Variants in TYMS observed in about 807,000 individuals in gnomAD.
TYMS encodes the protein thymidylate synthetase.
A neutral mutation model predicts 39.3 loss-of-function variants in TYMS; 21 were observed. The ratio of observed to expected loss-of-function variants is 0.54; its 90% CI spans 0.38 to 0.77. The LOEUF is 0.77. Ranked by LOEUF, TYMS falls within the 30% of genes least tolerant of loss-of-function variation. The pLI is 0.00. For synonymous variants in TYMS, 171 were observed against 162.2 expected, an observed-to-expected ratio of 1.05 and a Z score of -0.41; for missense variants, 273 against 406.7, an observed-to-expected ratio of 0.67 and a Z score of 2.83.
At chr18:670,045 A>T (rs973604611) in intron 4 of TYMS, among the ~76,000 whole-genome samples, 95 of 138,568 alleles carry the variant, frequency 6.9e-4, no homozygotes, top group Non-Finnish European at 5.7e-4. Flanking sequence ...ATAGAGACTT[A>T]TTTTTTTTTT....
chr18:670,744 G>A lies in TYMS; in HGVS notation c.609G>A (p.Val203=). ...PPCHALCQFY[V]VNSELSCQLY... is the part of the protein sequence containing the mutation. ...GCCATGCCCTCTGCCAGTTCTATGT[G>A]GTGAACAGTGAGCTGTCCTGCCAGC... The change falls in exon 5 of 7, where the codon GTG becomes GTA. Residue 203 remains valine, a synonymous_variant. Coordinates refer to ENST00000323274, the MANE Select transcript of TYMS (RefSeq NM_001071.4). 2 of 1,614,120 alleles carry A rather than the reference G, an allele frequency of 1.2e-6. No homozygotes were observed. Among genetic ancestry groups the A allele is most frequent in the Non-Finnish European group, 1.7e-6 (2 of 1,180,020 alleles).
chr18:668,374 T>C (rs909882840), intron 3 of TYMS, among the ~76,000 whole-genome samples: 3 of 152,176 alleles, frequency 2.0e-5, no homozygotes, highest in African/African-American at 7.2e-5. Context: ...AGCTCTGCAC[T>C]TCAGTTAACA....
At chr18:670,549 A>G in intron 4 of TYMS, 143 bp from the exon 5 acceptor site, 6 of 818,384 alleles carry the variant, frequency 7.3e-6, no homozygotes, top group Non-Finnish European at 1.2e-5. Context: ...AGAGGCTGTT[A>G]TGGACATCAC....
intron 3 of TYMS, among the ~76,000 whole-genome samples, chr18:666,909 TGATGGTGATGGA>T (rs1204715550): frequency 0.031 from 1,270 of 41,316 alleles, 118 homozygotes; most frequent in Admixed American, 0.082. Flanking sequence ...ATGGAGATGG[TGATGGTGATGGA>T]GATGGTGATG....
chr18:666,425 C>G (rs1469186815), intron 3 of TYMS, among the ~76,000 whole-genome samples: 1 of 152,180 alleles, frequency 6.6e-6, no homozygotes, highest in Non-Finnish European at 1.5e-5. Context: ...AATGAAACAT[C>G]TCACTCCTGG....
At position 669,164 on chromosome 18, in the gene TYMS, A is replaced by G. The variant is rs760265884; in HGVS notation, c.547A>G (p.Asn183Asp). ...CAGAAGAATCATCATGTGCGCTTGG[A>G]ATCCAAGAGGTTGAAAGAACCCCGT... The part of the protein sequence containing the change: ...DDRRIIMCAW[N>D]PRDLPLMALP... Residue 183 changes from asparagine (N) to aspartate (D), a missense_variant, in exon 4 of 7, where the codon AAT (asparagine) becomes GAT (aspartate). Around this residue, in one of 3 missense-constraint regions of TYMS, gnomAD observed 228 missense variants for 326.1 expected, o/e 0.70. Coordinates refer to ENST00000323274, the MANE Select transcript of TYMS (RefSeq NM_001071.4). 2 of 1,614,044 alleles carry G rather than the reference A, an allele frequency of 1.2e-6. No individual in the cohort carries two copies. The highest frequency in any genetic ancestry group is 1.7e-6 in the Non-Finnish European group (2 of 1,179,940).
At position 662,289 on chromosome 18, in the gene TYMS, T is replaced by C; in HGVS notation, c.423T>C (p.His141=). 4.3e-6 allele frequency: 7 copies of C among 1,613,246 alleles called. No individual in the cohort carries two copies. The highest frequency in any genetic ancestry group is 5.9e-6 in the Non-Finnish European group (7 of 1,179,778). Residue 141 remains histidine (H), a synonymous_variant, in exon 3 of 7, where the codon CAT becomes CAC. Coordinates refer to ENST00000323274, the MANE Select transcript of TYMS (RefSeq NM_001071.4). The part of the protein sequence containing the change: ...LGPVYGFQWR[H]FGAEYRDMES... ...CAGTTTATGGCTTCCAGTGGAGGCA[T>C]TTTGGGGCAGAATACAGAGATATGG... is the stretch of plus-strand genomic sequence containing the variant.
At position 667,059 on chromosome 18, in the gene TYMS, AGATGGTGATGGTGATGGAGATGGT is replaced by A. The variant is rs2074849822; in HGVS notation, c.455-2001_455-1978del. 7.5e-4 allele frequency among the ~76,000 whole-genome samples: 14 copies of A among 18,556 alleles called. 2 individuals are homozygous for A. Among genetic ancestry groups the A allele is most frequent in the African/African-American group, 5.5e-3 (14 of 2,546 alleles). The allele number at this position is 18,556 out of a possible 152,430, so 12.2% of individuals were successfully genotyped here. On this transcript the variant is annotated intron_variant, in intron 3 of 6. Transcript: ENST00000323274. ...GAGATGGTGATGGTGATGGAGATGG[AGATGGTGATGGTGATGGAGATGGT>A]GATGGTGATGGAGATGGAGATGGAG...
Position 666,924 on chromosome 18 carries a change from TGGTGATGGTGATGGA to T in TYMS, c.455-2146_455-2132del, listed in dbSNP as rs2074832453. Among the ~76,000 whole-genome samples the T allele has an allele frequency of 1.8e-4, 12 of 65,230 alleles. 4 individuals are homozygous for T. In the East Asian group the frequency reaches 8.8e-3, roughly 48 times the overall value. The allele number at this position is 65,230 out of a possible 152,430, so 42.8% of individuals were successfully genotyped here. A position where few individuals can be genotyped will look rare whatever the true frequency, so the allele number is the denominator to read the frequency against. On this transcript the variant is annotated intron_variant, in intron 3 of 6. Transcript: ENST00000323274. ...ATGGAGATGGTGATGGTGATGGAGA[TGGTGATGGTGATGGA>T]GATGGTGATGGTGATGGAGATGGAG...
chr18:662,659 C>A (rs1230596991), intron 3 of TYMS, among the ~76,000 whole-genome samples: 1 of 151,832 alleles, frequency 6.6e-6, no homozygotes, highest in Non-Finnish European at 1.5e-5. Context: ...TGCTATCCCT[C>A]CCCCCTCCTC....
chr18:658,204 C>T lies in TYMS; in HGVS notation c.205+257C>T. 10 of 1,528,572 alleles carry T rather than the reference C, an allele frequency of 6.5e-6. No homozygotes were observed. The highest frequency in any genetic ancestry group is 7.1e-6 in the Non-Finnish European group (8 of 1,132,734). 94.7% of individuals were successfully genotyped at this position (1,528,572 alleles called of 1,614,324 possible). A position where few individuals can be genotyped will look rare whatever the true frequency, so the allele number is the denominator to read the frequency against. On this transcript the variant is annotated intron_variant, in intron 1 of 6. Transcript: ENST00000323274. This position sits in a 1 kb window ranked among gnomAD's most constrained non-coding sequence, Gnocchi z 4.5. ...GTCCCAGCGGCTCCGCGGCCGGGCT[C>T]GCAGTCGCCCCAGTGATGCCGTGGC...
rs2074716507 is a variant in TYMS, at chr18:658,374, T to C, written c.205+427T>C. 7.8e-7 allele frequency: 1 copy of C among 1,275,690 alleles called. No individual in the cohort carries two copies. 79.0% of individuals were successfully genotyped at this position (1,275,690 alleles called of 1,614,324 possible). A position where few individuals can be genotyped will look rare whatever the true frequency, so the allele number is the denominator to read the frequency against. ...CTGTGGACCATTCCGCTTCGCAGCG[T>C]TTTCAAAAACTGGAGCGAAAGTGAT... On this transcript the variant is annotated intron_variant, in intron 1 of 6. Transcript: ENST00000323274. This position sits in a 1 kb window ranked among gnomAD's most constrained non-coding sequence, Gnocchi z 4.5.
rs74923550 is a variant in TYMS, at chr18:667,559, T to C, written c.455-1513T>C. ...GTGATGGTGATGGTGATGGAGATGGTGATGGTGATGGAGATGGTGATGGTG... is the reference window on the plus strand; with the variant it reads ...GTGATGGTGATGGTGATGGAGATGGCGATGGTGATGGAGATGGTGATGGTG... On this transcript the variant is annotated intron_variant, in intron 3 of 6. Coordinates refer to ENST00000323274, the MANE Select transcript of TYMS (RefSeq NM_001071.4). Among the ~76,000 whole-genome samples the C allele has an allele frequency of 1.4e-4, 9 of 66,346 alleles. 3 individuals carry two copies. The highest frequency in any genetic ancestry group is 9.8e-4 in the African/African-American group (9 of 9,218). 43.5% of individuals were successfully genotyped at this position (66,346 alleles called of 152,430 possible).
intron 4 of TYMS, chr18:670,401 C>G (rs923759966): frequency 9.5e-6 from 3 of 314,348 alleles, no homozygotes; most frequent in Admixed American, 4.6e-5. Context: ...ATTATTCCTG[C>G]TGTATTTGTA....
At chr18:665,137 C>T (rs199887005) in intron 3 of TYMS, among the ~76,000 whole-genome samples, 6,980 of 146,656 alleles carry the variant, frequency 0.048, 393 homozygotes, top group East Asian at 0.24. Context: ...GGCTGTGAAT[C>T]CATCTGGTCC....
At chr18:666,366 G>A (rs916885655) in intron 3 of TYMS, among the ~76,000 whole-genome samples, 11 of 152,172 alleles carry the variant, frequency 7.2e-5, no homozygotes, top group African/African-American at 2.4e-4. Flanking sequence ...GCTGTGAAGC[G>A]CAGTGCCAGG....
chr18:659,507 G>A, intron 1 of TYMS, 134 bp from the exon 2 acceptor site: 1 of 728,070 alleles, frequency 1.4e-6, no homozygotes, highest in Non-Finnish European at 2.4e-6. Flanking sequence ...GTGATCTCTG[G>A]CCCACTTTGC....
chr18:657,883 G>A lies in TYMS; in HGVS notation c.141G>A (p.Lys47=). 6.6e-7 allele frequency: 1 copy of A among 1,512,338 alleles called. No homozygotes were observed. The highest frequency in any genetic ancestry group is 8.8e-7 in the Non-Finnish European group (1 of 1,136,524). The allele number at this position is 1,512,338 out of a possible 1,614,324, so 93.7% of individuals were successfully genotyped here. ...IQHILRCGVR[K]DDRTGTGTLS... is the part of the protein sequence containing the mutation. ...ACATCCTCCGCTGCGGCGTCAGGAAGGACGACCGCACGGGCACCGGCACCC... is the reference window on the plus strand; with the variant it reads ...ACATCCTCCGCTGCGGCGTCAGGAAAGACGACCGCACGGGCACCGGCACCC... The change falls in exon 1 of 7, where the codon AAG becomes AAA. Residue 47 remains lysine (K), a synonymous_variant. Coordinates refer to ENST00000323274, the MANE Select transcript of TYMS (RefSeq NM_001071.4).
rs942555230 is a variant in TYMS, at chr18:658,858, C to T, written c.206-783C>T. Reference sequence around the variant, plus strand: ...AAACCCATTCGTGGTGAAGCAGATTCACTGTAGCTAGCGGAAAAGCCCTCC... The same window carrying T: ...AAACCCATTCGTGGTGAAGCAGATTTACTGTAGCTAGCGGAAAAGCCCTCC... On this transcript the variant is annotated intron_variant, in intron 1 of 6. Coordinates refer to ENST00000323274, the MANE Select transcript of TYMS (RefSeq NM_001071.4). The surrounding 1 kb of genome is among the most constrained non-coding windows in gnomAD (Gnocchi z 4.5). The T allele has an allele frequency of 6.2e-6, 1 of 161,284 alleles. No homozygotes were observed. Among genetic ancestry groups the T allele is most frequent in the African/African-American group, 2.4e-5 (1 of 41,498 alleles). The allele number at this position is 161,284 out of a possible 1,614,324, so 10.0% of individuals were successfully genotyped here. A position where few individuals can be genotyped will look rare whatever the true frequency, so the allele number is the denominator to read the frequency against.
Sources: gnomAD v4.1 joint callset for allele counts (sites outside exome capture counted in the v4.1 genomes callset) on GRCh38, gnomAD v4.1.1 for gene constraint, gnomAD v4.1.1 regional missense constraint, Gnocchi (gnomAD v3.1) non-coding constraint, MANE v1.5 for transcripts, NCBI Gene and HGNC (gene_info 2026-07-23, HGNC 2026-07-21) for gene names.